Variants in NT5C3A observed in about 807,000 individuals in gnomAD.
The protein encoded by NT5C3A is 5'-nucleotidase, cytosolic IIIA, also known as cytosolic 5'-nucleotidase 3A.
A neutral mutation model predicts 40.0 loss-of-function variants in NT5C3A; 23 were observed. The ratio of observed to expected loss-of-function variants is 0.58; its 90% CI spans 0.41 to 0.81. The LOEUF is 0.81. NT5C3A is among the 40% of genes least tolerant of loss of function. The pLI is 0.00. For missense variants in NT5C3A, 328 were observed against 403.0 expected (o/e 0.81, Z 1.59); for synonymous variants, 130 against 141.4 (o/e 0.92, Z 0.57).
chr7:33,018,439 A>T (rs571386849), intron 6 of NT5C3A, among the ~76,000 whole-genome samples: 6 of 152,198 alleles, frequency 3.9e-5, no homozygotes, highest in Non-Finnish European at 7.3e-5. Flanking sequence ...TTTTTCTGAC[A>T]ATTTATTGCT....
chr7:33,050,916 G>A (rs1787338711), intron 1 of NT5C3A, among the ~76,000 whole-genome samples: 1 of 152,132 alleles, frequency 6.6e-6, no homozygotes, highest in Non-Finnish European at 1.5e-5. Flanking sequence ...AGAGAAGTCT[G>A]CCACCTGCTG....
At chr7:33,050,617 G>A (rs1787327193) in intron 1 of NT5C3A, among the ~76,000 whole-genome samples, 1 of 152,160 alleles carries the variant, frequency 6.6e-6, no homozygotes, top group Non-Finnish European at 1.5e-5. Context: ...GCAAGCACTG[G>A]CTCTCTACTT....
Position 33,037,452 on chromosome 7 carries a change from G to C in NT5C3A, c.139-10537C>G, listed in dbSNP as rs77454083. On this transcript the variant is annotated intron_variant, in intron 1 of 8. Transcript: ENST00000610140. ...ACTATTTAAAAATGGCAACTTAGTTGAAAGCGAGAACATATCTGACTTTTT... is the reference window on the plus strand; with the variant it reads ...ACTATTTAAAAATGGCAACTTAGTTCAAAGCGAGAACATATCTGACTTTTT... Among the ~76,000 whole-genome samples, 1,896 of 152,250 alleles carry C rather than the reference G, an allele frequency of 0.012. 62 individuals are homozygous for C. The East Asian group carries it at 0.14, about 11-fold the overall frequency.
At chr7:33,016,097 C>T (rs140479784) in intron 7 of NT5C3A, among the ~76,000 whole-genome samples, 113 of 152,196 alleles carry the variant, frequency 7.4e-4, no homozygotes, top group African/African-American at 2.3e-3. Flanking sequence ...AAACAAAGGC[C>T]GGGCGCAGGG....
chr7:33,029,158 T>C (rs1786107935), intron 1 of NT5C3A: 2 of 152,998 alleles, frequency 1.3e-5, no homozygotes, highest in African/African-American at 4.8e-5. Context: ...TTAACTCAAC[T>C]GGATGAGTTT....
chr7:33,062,733 A>G lies in NT5C3A; in HGVS notation c.-28T>C, dbSNP rs1209239783. The G allele has an allele frequency of 1.3e-6, 2 of 1,552,040 alleles. No individual in the cohort carries two copies. The highest frequency in any genetic ancestry group is 1.7e-6 in the Non-Finnish European group (2 of 1,147,876). ...ACGGGGCCCTCATGCGCGTCCAAGC[A>G]GGAAAAAAACAGGCAGCTCGCGTAG... is the stretch of plus-strand genomic sequence containing the variant. On this transcript the variant is annotated 5_prime_UTR_variant, in exon 1 of 9. Transcript: ENST00000610140.
rs1351569456 is a variant in NT5C3A at position 33,046,967 on chromosome 7, C to T, written c.138+15601G>A. 6.1e-5 allele frequency among the ~76,000 whole-genome samples: 5 copies of T among 81,786 alleles called. No homozygotes were observed. The East Asian group carries it at 1.5e-3, about 24-fold the overall frequency. The allele number at this position is 81,786 out of a possible 152,430, so 53.7% of individuals were successfully genotyped here. A position where few individuals can be genotyped will look rare whatever the true frequency, so the allele number is the denominator to read the frequency against. On this transcript the variant is annotated intron_variant, in intron 1 of 8. Transcript: ENST00000610140. ...CACAGGTGCACCCTGCCACACCTGGCTTCTTTTTTTTTTTTTTTTAAGAGT... is the reference window on the plus strand; with the variant it reads ...CACAGGTGCACCCTGCCACACCTGGTTTCTTTTTTTTTTTTTTTTAAGAGT...
chr7:33,038,477 T>C (rs117692480), intron 1 of NT5C3A, among the ~76,000 whole-genome samples: 1,913 of 151,648 alleles, frequency 0.013, 19 homozygotes, highest in South Asian at 0.053. Context: ...TGATAAGAAA[T>C]TTGATGGCCA....
At chr7:33,052,349 A>T (rs751987442) in intron 1 of NT5C3A, among the ~76,000 whole-genome samples, 2 of 142,758 alleles carry the variant, frequency 1.4e-5, no homozygotes. Flanking sequence ...CAGGCGTGGT[A>T]GCAGGTGCCT....
intron 2 of NT5C3A, 132 bp from the exon 3 acceptor site, chr7:33,024,240 T>C (rs1421488546): frequency 1.3e-5 from 9 of 678,330 alleles, no homozygotes; most frequent in Non-Finnish European, 2.4e-5. Context: ...GTCCACACTG[T>C]TAACTTATTC....
Position 33,022,111 on chromosome 7 carries a change from A to C in NT5C3A, c.308-12T>G, listed in dbSNP as rs750811896. 7.3e-7 allele frequency: 1 copy of C among 1,365,462 alleles called. No homozygotes were observed. The allele number at this position is 1,365,462 out of a possible 1,614,324, so 84.6% of individuals were successfully genotyped here. A position where few individuals can be genotyped will look rare whatever the true frequency, so the allele number is the denominator to read the frequency against. ...GTTGTCAATGATATCTAAAGATAGA[A>C]AGCAAAATAAGCATTAAAAGAAATA... On this transcript the variant is annotated splice_polypyrimidine_tract_variant and intron_variant, in intron 3 of 8. Coordinates refer to ENST00000610140, the MANE Select transcript of NT5C3A (RefSeq NM_001002010.5).
intron 8 of NT5C3A, 46 bp downstream of exon 8, chr7:33,015,624 C>A: frequency 7.9e-7 from 1 of 1,258,824 alleles, no homozygotes; most frequent in Non-Finnish European, 1.2e-6. Flanking sequence ...TATCAAGTTT[C>A]ATCCTAATAT....
At chr7:33,043,419 C>T (rs1232057289) in intron 1 of NT5C3A, among the ~76,000 whole-genome samples, 1 of 152,086 alleles carries the variant, frequency 6.6e-6, no homozygotes, top group Admixed American at 6.6e-5. Flanking sequence ...GTGTTAAAAA[C>T]GTCATAGGAG....
intron 1 of NT5C3A, among the ~76,000 whole-genome samples, chr7:33,059,900 A>G (rs1006593360): frequency 6.6e-6 from 1 of 152,118 alleles, no homozygotes; most frequent in African/African-American, 2.4e-5. Flanking sequence ...TCTTTCCAGG[A>G]TCTTCCCTTC....
At chr7:33,047,066 C>T (rs541336173) in intron 1 of NT5C3A, among the ~76,000 whole-genome samples, 4 of 151,686 alleles carry the variant, frequency 2.6e-5, no homozygotes, top group South Asian at 4.2e-4. Context: ...CTCAGCCTCC[C>T]GAATCTTTTT....
At chr7:33,058,816 G>A (rs1338465092) in intron 1 of NT5C3A, among the ~76,000 whole-genome samples, 1 of 152,070 alleles carries the variant, frequency 6.6e-6, no homozygotes, top group Non-Finnish European at 1.5e-5. Context: ...ATACTTCTGT[G>A]CCAACCATTC....
chr7:33,062,619 G>A lies in NT5C3A; in HGVS notation c.87C>T (p.Tyr29=), dbSNP rs145342008. ...CCGTCTTCCTCTTCAAGGTGAATAT[G>A]TACTGAGCCAGCACCACCCCCGCCA... is the stretch of plus-strand genomic sequence containing the variant. The part of the protein sequence containing the change: ...ALVAGVVLAQ[Y]IFTLKRKTGR... The change falls in exon 1 of 9, where the codon TAC becomes TAT. Residue 29 remains tyrosine (Y), a synonymous_variant. Transcript: ENST00000610140. 144 of 1,608,326 alleles carry A rather than the reference G, an allele frequency of 9.0e-5. No homozygotes were observed. Among genetic ancestry groups the A allele is most frequent in the Non-Finnish European group, 1.1e-4 (129 of 1,178,232 alleles).
At chr7:33,050,678 T>A (rs1163182023) in intron 1 of NT5C3A, among the ~76,000 whole-genome samples, 1 of 152,216 alleles carries the variant, frequency 6.6e-6, no homozygotes, top group African/African-American at 2.4e-5. Flanking sequence ...AACTCTTTAA[T>A]GAACTGCTAA....
chr7:33,026,353 GAAA>G lies in NT5C3A; in HGVS notation c.237+461_237+463del, dbSNP rs1226260693. Among the ~76,000 whole-genome samples the G allele has an allele frequency of 7.5e-3, 711 of 94,174 alleles. 9 individuals are homozygous for G. The highest frequency in any genetic ancestry group is 0.028 in the African/African-American group (668 of 24,120). 61.8% of individuals were successfully genotyped at this position (94,174 alleles called of 152,430 possible). A position where few individuals can be genotyped will look rare whatever the true frequency, so the allele number is the denominator to read the frequency against. ...AACAGAGCGAGACTCCATCTCAAAA[GAAA>G]AAAAAAAAAAAAAAAAAGAAGCCTT... On this transcript the variant is annotated intron_variant, in intron 2 of 8. Coordinates refer to ENST00000610140, the MANE Select transcript of NT5C3A (RefSeq NM_001002010.5).
Sources: allele counts gnomAD v4.1 joint callset (sites outside exome capture counted in the v4.1 genomes callset), GRCh38; gene constraint gnomAD v4.1.1; transcripts MANE v1.5; gene names NCBI Gene and HGNC (gene_info 2026-07-23, HGNC 2026-07-21).